Variants in OCA2 observed in about 807,000 individuals in gnomAD.
The protein encoded by OCA2 is P protein.
OCA2 carries 77 observed loss-of-function variants against 100.2 expected under a neutral mutation model. That is an observed-to-expected ratio of 0.77 (90% CI 0.64 to 0.93). The LOEUF is 0.93. OCA2 is among the 40% of genes least tolerant of loss of function. The probability of loss-of-function intolerance (pLI) is 0.00; values close to 1 mark genes in which losing one functional copy is unlikely to be tolerated. For synonymous variants in OCA2, 432 were observed against 439.2 expected (o/e 0.98, Z 0.21); for missense variants, 1,062 against 1,089.1 (o/e 0.98, Z 0.35).
intron 18 of OCA2, among the ~76,000 whole-genome samples, chr15:27,951,396 G>A (rs1053726534): frequency 1.3e-5 from 2 of 152,236 alleles, no homozygotes; most frequent in Non-Finnish European, 2.9e-5. Context: ...TAACTGGCAT[G>A]GTAGGCGGCA....
At chr15:28,072,874 T>A (rs986771909) in intron 2 of OCA2, among the ~76,000 whole-genome samples, 17 of 152,316 alleles carry the variant, frequency 1.1e-4, no homozygotes, top group African/African-American at 4.1e-4. Flanking sequence ...GCCCAGCTAC[T>A]GTGGAAAGCA....
intron 18 of OCA2, among the ~76,000 whole-genome samples, chr15:27,945,973 T>C (rs974436435): frequency 6.6e-6 from 1 of 152,182 alleles, no homozygotes; most frequent in East Asian, 1.9e-4. Context: ...TTTTTCTATA[T>C]ATTTTGATGT....
chr15:27,934,272 A>T (rs895328502), intron 18 of OCA2, among the ~76,000 whole-genome samples: 1 of 152,062 alleles, frequency 6.6e-6, no homozygotes, highest in Non-Finnish European at 1.5e-5. Context: ...TTAGACAGGG[A>T]GAAGTCAATG....
chr15:27,766,022 C>T (rs8034368), intron 23 of OCA2, among the ~76,000 whole-genome samples: 15,480 of 152,098 alleles, frequency 0.1, 1,454 homozygotes, highest in African/African-American at 0.24. Context: ...GGAGTCAACC[C>T]CTATTTAAGA....
At chr15:27,804,044 T>C (rs2033723646) in intron 23 of OCA2, among the ~76,000 whole-genome samples, 1 of 152,218 alleles carries the variant, frequency 6.6e-6, no homozygotes, top group African/African-American at 2.4e-5. Flanking sequence ...ACTTATCAAA[T>C]TTTACATTTT....
At chr15:27,955,117 A>G in intron 17 of OCA2, 41 bp downstream of exon 17, 1 of 1,399,442 alleles carries the variant, frequency 7.1e-7, no homozygotes. Flanking sequence ...CTCTTCTTGG[A>G]GAAGTGAATC....
At chr15:27,756,416 T>A (rs1475862328) in intron 23 of OCA2, among the ~76,000 whole-genome samples, 1 of 152,124 alleles carries the variant, frequency 6.6e-6, no homozygotes, top group African/African-American at 2.4e-5. Flanking sequence ...AATTATAGAG[T>A]AGACTTGGGC....
chr15:27,741,843 G>A, the OCA2 span, among the ~76,000 whole-genome samples: 6 of 152,160 alleles, frequency 3.9e-5, no homozygotes, highest in Admixed American at 2.0e-4. Flanking sequence ...TTATTCAAAT[G>A]TGTCATACAA....
intron 19 of OCA2, among the ~76,000 whole-genome samples, chr15:27,880,989 G>A (rs544734801): frequency 1.7e-4 from 26 of 152,282 alleles, no homozygotes; most frequent in Middle Eastern, 3.4e-3. Context: ...GATACTGGCT[G>A]TGGGTTTGTC....
In OCA2 at chr15:27,940,986, T is replaced by C. The variant is rs183542200; in HGVS notation, c.1951+10798A>G. On this transcript the variant is annotated intron_variant, in intron 18 of 23. Coordinates refer to ENST00000354638, the MANE Select transcript of OCA2 (RefSeq NM_000275.3). ...TGAAAATGTTGACACAACCTAACTC[T>C]TCTTAGCATTGTGACTGCAAAGTTA... Among the ~76,000 whole-genome samples the C allele has an allele frequency of 1.6e-4, 24 of 152,314 alleles. No homozygotes were observed. The East Asian group carries it at 3.9e-3, about 24-fold the overall frequency.
At chr15:27,740,677 T>C in the OCA2 span, among the ~76,000 whole-genome samples, 84 of 152,248 alleles carry the variant, frequency 5.5e-4, no homozygotes, top group East Asian at 9.7e-3. Flanking sequence ...GCTTATTAAA[T>C]ATTGATCCTG....
intron 23 of OCA2, among the ~76,000 whole-genome samples, chr15:27,765,442 T>A (rs1467423474): frequency 6.6e-6 from 1 of 152,328 alleles, no homozygotes; most frequent in East Asian, 1.9e-4. Context: ...CTCCATGATT[T>A]AGCAAGAGAC....
At chr15:28,082,112 A>G (rs1218391271) in intron 1 of OCA2, among the ~76,000 whole-genome samples, 3 of 152,170 alleles carry the variant, frequency 2.0e-5, no homozygotes, top group African/African-American at 7.2e-5. Context: ...GTCTAGCTAA[A>G]GGATTGTAAA....
At chr15:27,772,143 G>A (rs1328557393) in intron 23 of OCA2, among the ~76,000 whole-genome samples, 2 of 152,236 alleles carry the variant, frequency 1.3e-5, no homozygotes, top group African/African-American at 2.4e-5. Flanking sequence ...TGAGTTTGCT[G>A]TGCGTCCTGA....
intron 23 of OCA2, among the ~76,000 whole-genome samples, chr15:27,798,318 A>AT (rs1486270294): frequency 6.6e-5 from 10 of 152,134 alleles, no homozygotes; most frequent in African/African-American, 2.4e-4. Context: ...CAAACATCCA[A>AT]TTTTTTGGTG....
At chr15:27,723,914 C>T in the OCA2 span, among the ~76,000 whole-genome samples, 1 of 152,194 alleles carries the variant, frequency 6.6e-6, no homozygotes, top group African/African-American at 2.4e-5. Flanking sequence ...TCTGCGTGCA[C>T]AACCTCCTCC....
intron 12 of OCA2, among the ~76,000 whole-genome samples, chr15:27,985,757 A>G (rs1185000256): frequency 6.8e-6 from 1 of 147,856 alleles, no homozygotes; most frequent in African/African-American, 2.5e-5. Context: ...TGGTGGTGTG[A>G]TCTCGGCTCA....
At chr15:28,014,715 G>C in intron 9 of OCA2, 61 bp downstream of exon 9, 2 of 1,579,448 alleles carry the variant, frequency 1.3e-6, no homozygotes, top group Non-Finnish European at 8.6e-7. Context: ...AGTGTCTCAC[G>C]GATCTCAAGC....
chr15:28,048,876 T>C (rs1476887195), intron 2 of OCA2, among the ~76,000 whole-genome samples: 1 of 152,060 alleles, frequency 6.6e-6, no homozygotes, highest in Admixed American at 6.6e-5. Context: ...CATGGTGGCA[T>C]ATACCTGTAG....
Sources: gnomAD v4.1 joint callset for allele counts (sites outside exome capture counted in the v4.1 genomes callset) on GRCh38, gnomAD v4.1.1 for gene constraint, MANE v1.5 for transcripts, NCBI Gene and HGNC (gene_info 2026-07-23, HGNC 2026-07-21) for gene names.